TTLL5: variants seen among roughly 807,000 people sequenced by gnomAD.
TTLL5 encodes the protein tubulin tyrosine ligase like 5.
A neutral mutation model predicts 168.4 loss-of-function variants in TTLL5; 132 were observed. That is an observed-to-expected ratio of 0.78 (90% CI 0.68 to 0.91). The LOEUF (loss-of-function observed/expected upper bound fraction) is 0.91. Among genes scored for constraint, TTLL5 ranks in the 40% least tolerant of loss-of-function variants. The pLI, the probability that TTLL5 is intolerant of heterozygous loss-of-function variation, is 0.00. For synonymous variants in TTLL5, 546 were observed against 558.6 expected (o/e 0.98, Z 0.32); for missense variants, 1,545 against 1,581.5 (o/e 0.98, Z 0.39).
At chr14:75,820,279 C>A in intron 28 of TTLL5, 118 bp downstream of exon 28, 1 of 1,084,778 alleles carries the variant, frequency 9.2e-7, no homozygotes, top group Non-Finnish European at 1.2e-6. Flanking sequence ...TGCCCTTTCT[C>A]CACCTGCCTC....
intron 15 of TTLL5, among the ~76,000 whole-genome samples, chr14:75,743,005 T>G (rs1162649383): frequency 6.6e-6 from 1 of 152,230 alleles, no homozygotes; most frequent in Non-Finnish European, 1.5e-5. Flanking sequence ...CCCAAAATCC[T>G]TCTGCAAAGT....
At position 75,745,111 on chromosome 14, in the gene TTLL5, C is replaced by T. The variant is rs1473851035; in HGVS notation, c.1298C>T (p.Ser433Phe). 1.2e-6 allele frequency: 2 copies of T among 1,613,800 alleles called. No homozygotes were observed. The highest frequency in any genetic ancestry group is 1.3e-5 in the African/African-American group (1 of 74,920). ...FQKPQRCRPL[S>F]ASDAEMKNLV... ...TCTCCTTAGCGTTGCCGTCCACTCT[C>T]TGCCAGTGATGCGGAAATGAAAAAC... The change falls in exon 16 of 32, where the codon TCT becomes TTT. Residue 433 changes from serine to phenylalanine, a missense_variant. By Grantham distance (155) the Ser-to-Phe change is radical. Coordinates refer to ENST00000298832, the MANE Select transcript of TTLL5 (RefSeq NM_015072.5).
chr14:75,682,221 A>T (rs1034724807), intron 4 of TTLL5, among the ~76,000 whole-genome samples: 8 of 150,130 alleles, frequency 5.3e-5, no homozygotes, highest in African/African-American at 2.0e-4. Flanking sequence ...CCCAAAAGGG[A>T]TTTGTCAGAA....
intron 30 of TTLL5, among the ~76,000 whole-genome samples, chr14:75,893,422 TCTC>T (rs1438539819): frequency 9.8e-5 from 15 of 152,296 alleles, no homozygotes; most frequent in Non-Finnish European, 1.2e-4. Flanking sequence ...CCAGCATTCT[TCTC>T]CTCAGCAATA....
chr14:75,840,402 C>A (rs1465312595), intron 28 of TTLL5, among the ~76,000 whole-genome samples: 2 of 152,068 alleles, frequency 1.3e-5, no homozygotes, highest in Non-Finnish European at 2.9e-5. Flanking sequence ...CCTTGCCCCC[C>A]ACCCCCTGAC....
intron 15 of TTLL5, chr14:75,744,565 C>T (rs1412658211): frequency 6.5e-6 from 1 of 152,880 alleles, no homozygotes; most frequent in Non-Finnish European, 1.5e-5. Flanking sequence ...TTACTGATGT[C>T]TCTCATCTCA....
chr14:75,890,936 G>T (rs979629329), intron 30 of TTLL5, among the ~76,000 whole-genome samples: 11 of 152,078 alleles, frequency 7.2e-5, no homozygotes, highest in Non-Finnish European at 1.3e-4. Flanking sequence ...GCCCAGGGTG[G>T]TCTTGATCTC....
intron 18 of TTLL5, among the ~76,000 whole-genome samples, chr14:75,761,688 G>A (rs1890660485): frequency 6.6e-6 from 1 of 152,220 alleles, no homozygotes. Flanking sequence ...GTTAGGGAAG[G>A]ATTGACTGGA....
intron 28 of TTLL5, among the ~76,000 whole-genome samples, chr14:75,851,250 G>A (rs901471829): frequency 2.0e-5 from 3 of 152,158 alleles, no homozygotes; most frequent in Non-Finnish European, 4.4e-5. Flanking sequence ...AATACACACA[G>A]AGGAAGAATA....
At chr14:75,944,098 C>T (rs2034695462) in intron 31 of TTLL5, among the ~76,000 whole-genome samples, 1 of 152,140 alleles carries the variant, frequency 6.6e-6, no homozygotes, top group South Asian at 2.1e-4. Flanking sequence ...TGCTCTAAAA[C>T]TTGCCTTGGT....
chr14:75,928,326 G>A (rs1265953110), intron 31 of TTLL5, among the ~76,000 whole-genome samples: 3 of 61,222 alleles, frequency 4.9e-5, no homozygotes, highest in Admixed American at 1.7e-4. Flanking sequence ...GCTCTGTGAT[G>A]AATGAATGAC....
intron 18 of TTLL5, among the ~76,000 whole-genome samples, chr14:75,760,084 A>C (rs1198087840): frequency 6.6e-6 from 1 of 152,098 alleles, no homozygotes; most frequent in African/African-American, 2.4e-5. Context: ...TGACACGATC[A>C]GGTTAGTAGA....
At chr14:75,738,820 T>C (rs1277115012) in intron 15 of TTLL5, among the ~76,000 whole-genome samples, 3 of 152,170 alleles carry the variant, frequency 2.0e-5, no homozygotes, top group Admixed American at 6.5e-5. Context: ...TACTTACTTA[T>C]TTGAGACAGC....
chr14:75,779,467 C>A, intron 23 of TTLL5, 108 bp from the exon 24 acceptor site: 1 of 1,491,550 alleles, frequency 6.7e-7, no homozygotes, highest in Non-Finnish European at 9.1e-7. Context: ...TCAGCTTGTG[C>A]TTTTCATTTT....
intron 21 of TTLL5, among the ~76,000 whole-genome samples, chr14:75,773,613 G>C (rs1010744052): frequency 6.6e-6 from 1 of 152,054 alleles, no homozygotes; most frequent in Non-Finnish European, 1.5e-5. Flanking sequence ...TCTAGGCTGG[G>C]TGCGGTGGCT....
chr14:75,687,371 T>G (rs930604347), intron 5 of TTLL5, among the ~76,000 whole-genome samples: 1 of 152,150 alleles, frequency 6.6e-6, no homozygotes, highest in African/African-American at 2.4e-5. Context: ...CCTCCTGGGT[T>G]CAAGCGATTC....
intron 12 of TTLL5, among the ~76,000 whole-genome samples, chr14:75,731,103 A>G (rs944891208): frequency 5.3e-5 from 8 of 151,948 alleles, no homozygotes; most frequent in African/African-American, 1.9e-4. Context: ...TTTAGAGTCT[A>G]TTTTTTTGTT....
intron 3 of TTLL5, among the ~76,000 whole-genome samples, chr14:75,677,762 C>T (rs1021403084): frequency 3.3e-5 from 5 of 151,304 alleles, no homozygotes; most frequent in African/African-American, 9.7e-5. Flanking sequence ...AGACTACAGG[C>T]GCCCACCCGT....
intron 27 of TTLL5, among the ~76,000 whole-genome samples, chr14:75,817,422 G>A (rs962665728): frequency 2.6e-5 from 4 of 152,094 alleles, no homozygotes; most frequent in African/African-American, 9.7e-5. Flanking sequence ...CACAGACACT[G>A]GGAATTGCTC....
Sources: gnomAD v4.1 joint callset for allele counts (sites outside exome capture counted in the v4.1 genomes callset) on GRCh38, gnomAD v4.1.1 for gene constraint, MANE v1.5 for transcripts, NCBI Gene and HGNC (gene_info 2026-07-23, HGNC 2026-07-21) for gene names.